GABRB3: variants seen among roughly 807,000 people sequenced by gnomAD.
GABRB3 encodes gamma-aminobutyric acid type A receptor subunit beta3.
Under a neutral mutation model 52.1 loss-of-function variants are expected in GABRB3, and 14 were observed. The observed-to-expected ratio is 0.27, with a 90% confidence interval of 0.18 to 0.42. The LOEUF is 0.42. GABRB3 is among the 10% of genes least tolerant of loss of function. The pLI is 1.00. For missense variants in GABRB3, 307 were observed against 609.1 expected (o/e 0.50, Z 5.22); for synonymous variants, 260 against 232.3 (o/e 1.12, Z -1.08).
At position 26,651,065 on chromosome 15, in the gene GABRB3, G is replaced by A. The variant is rs1325398840; in HGVS notation, c.241-29531C>T. On this transcript the variant is annotated intron_variant, in intron 3 of 8. Transcript: ENST00000311550. ...CCACTGAGTATGGGTACCCAAAAAG[G>A]CTGTTACACAGGCCCTTTGCCCTCA... Among the ~76,000 whole-genome samples, 9 of 152,192 alleles carry A rather than the reference G, an allele frequency of 5.9e-5. 1 individual carries two copies. The highest frequency in any genetic ancestry group is 5.9e-4 in the Admixed American group (9 of 15,288).
chr15:26,643,337 T>C (rs1893261707), intron 3 of GABRB3, among the ~76,000 whole-genome samples: 1 of 152,132 alleles, frequency 6.6e-6, no homozygotes, highest in Admixed American at 6.5e-5. Context: ...GAGCAAGCCA[T>C]GCAAAGAGAC....
At chr15:26,629,857 C>T (rs868431957) in intron 3 of GABRB3, among the ~76,000 whole-genome samples, 12 of 152,154 alleles carry the variant, frequency 7.9e-5, no homozygotes, top group Admixed American at 7.9e-4. Context: ...TTCACCAATA[C>T]TGACTCGAAC....
At chr15:26,754,581 A>T (rs1056253874) in intron 3 of GABRB3, among the ~76,000 whole-genome samples, 2 of 152,202 alleles carry the variant, frequency 1.3e-5, no homozygotes, top group African/African-American at 4.8e-5. Context: ...AGTAGACCAA[A>T]CTTTGAATCA....
chr15:26,760,269 A>C (rs937599640), intron 3 of GABRB3, among the ~76,000 whole-genome samples: 1 of 152,240 alleles, frequency 6.6e-6, no homozygotes, highest in African/African-American at 2.4e-5. Context: ...TGTTTCAAAC[A>C]GCTTACGGAC....
chr15:26,742,323 T>C (rs1057277478), intron 3 of GABRB3, among the ~76,000 whole-genome samples: 1 of 151,952 alleles, frequency 6.6e-6, no homozygotes, highest in Non-Finnish European at 1.5e-5. Flanking sequence ...TCCCATCCAT[T>C]CTTTACCCAA....
rs752196700 is a variant in GABRB3 at position 26,546,857 on chromosome 15, G to A, written c.*936C>T. ...GCAAGGGGGAAAATCATCCTAGATG[G>A]TTTTACCTTAGAGTAACGAATAACC... On this transcript the variant is annotated 3_prime_UTR_variant, in exon 9 of 9. Transcript: ENST00000311550. The A allele has an allele frequency of 6.6e-6, 1 of 151,582 alleles. No individual in the cohort carries two copies. Among genetic ancestry groups the A allele is most frequent in the Non-Finnish European group, 1.5e-5 (1 of 67,942 alleles). The allele number at this position is 151,582 out of a possible 1,614,324, so 9.4% of individuals were successfully genotyped here.
intron 3 of GABRB3, among the ~76,000 whole-genome samples, chr15:26,709,515 C>CTTTTTTTTTTTTTTTTTTT (rs57044167): frequency 2.5e-4 from 23 of 92,004 alleles, no homozygotes; most frequent in South Asian, 9.3e-4. Flanking sequence ...TTTTTTCTTT[C>CTTTTTTTTTTTTTTTTTTT]TTTTTTTTTT....
chr15:26,680,265 A>G (rs1454439079), intron 3 of GABRB3, among the ~76,000 whole-genome samples: 1 of 152,182 alleles, frequency 6.6e-6, no homozygotes, highest in East Asian at 1.9e-4. Context: ...AGGCTTCCCA[A>G]TTGTGTGAGC....
intron 8 of GABRB3, 34 bp from the exon 9 acceptor site, chr15:26,548,168 C>T (rs1490047739): frequency 6.5e-7 from 1 of 1,539,062 alleles, no homozygotes; most frequent in African/African-American, 1.4e-5. Flanking sequence ...GGTTAGACAG[C>T]CAGCAGCATA....
At position 26,754,727 on chromosome 15, in the gene GABRB3, C is replaced by T. The variant is rs552562613; in HGVS notation, c.240+17675G>A. On this transcript the variant is annotated intron_variant, in intron 3 of 8. Transcript: ENST00000311550. Reference sequence around the variant, plus strand: ...AATGAATCGGTGCTCACTTGGCACACCCTCATTGCACTCCAACAAAGATCA... The same window carrying T: ...AATGAATCGGTGCTCACTTGGCACATCCTCATTGCACTCCAACAAAGATCA... Among the ~76,000 whole-genome samples the T allele has an allele frequency of 2.0e-5, 3 of 152,232 alleles. No individual in the cohort carries two copies. In the South Asian group the frequency reaches 6.2e-4, roughly 32 times the overall value.
intron 4 of GABRB3, among the ~76,000 whole-genome samples, chr15:26,599,738 C>A (rs1040793086): frequency 6.6e-6 from 1 of 152,060 alleles, no homozygotes; most frequent in African/African-American, 2.4e-5. Flanking sequence ...GAAAAACAAA[C>A]AAAACAACAA....
chr15:26,600,924 T>C (rs1193537055), intron 4 of GABRB3, among the ~76,000 whole-genome samples: 5 of 152,158 alleles, frequency 3.3e-5, no homozygotes, highest in Admixed American at 3.3e-4. Context: ...CTACCATAAA[T>C]TGTCAGGGAA....
chr15:26,604,028 G>A (rs766115912), intron 4 of GABRB3, among the ~76,000 whole-genome samples: 9 of 152,010 alleles, frequency 5.9e-5, no homozygotes, highest in Admixed American at 1.3e-4. Flanking sequence ...AAAACCTTGA[G>A]ACTCCATGAA....
At chr15:26,640,447 G>A (rs979454132) in intron 3 of GABRB3, among the ~76,000 whole-genome samples, 9 of 152,084 alleles carry the variant, frequency 5.9e-5, no homozygotes, top group Admixed American at 2.6e-4. Context: ...AACCCGGGAG[G>A]TGGAGCTTGC....
chr15:26,716,094 C>A (rs969678788), intron 3 of GABRB3, among the ~76,000 whole-genome samples: 4 of 152,220 alleles, frequency 2.6e-5, no homozygotes, highest in African/African-American at 7.2e-5. Flanking sequence ...ATGAGCTGAT[C>A]AATATCCTGA....
intron 6 of GABRB3, among the ~76,000 whole-genome samples, chr15:26,576,769 A>G (rs1231905513): frequency 6.6e-6 from 1 of 152,224 alleles, no homozygotes. Flanking sequence ...CATAGAGGCC[A>G]TCAAGAAGGG....
chr15:26,590,642 G>A (rs773504988), intron 4 of GABRB3, among the ~76,000 whole-genome samples: 11 of 152,194 alleles, frequency 7.2e-5, no homozygotes, highest in Non-Finnish European at 1.3e-4. Context: ...CGTTTATCCC[G>A]ATTTTTGTTT....
At chr15:26,637,436 A>G (rs964989538) in intron 3 of GABRB3, among the ~76,000 whole-genome samples, 3 of 152,118 alleles carry the variant, frequency 2.0e-5, no homozygotes, top group African/African-American at 7.2e-5. Flanking sequence ...CTGCTAGAAC[A>G]TCAGCTGCAT....
chr15:26,755,592 T>C (rs1038545305), intron 3 of GABRB3, among the ~76,000 whole-genome samples: 1 of 152,236 alleles, frequency 6.6e-6, no homozygotes, highest in Non-Finnish European at 1.5e-5. Flanking sequence ...TCAATTTTAC[T>C]TTGCATTCTA....
Sources: gnomAD v4.1 joint callset for allele counts (sites outside exome capture counted in the v4.1 genomes callset) on GRCh38, gnomAD v4.1.1 for gene constraint, MANE v1.5 for transcripts, NCBI Gene and HGNC (gene_info 2026-07-23, HGNC 2026-07-21) for gene names.